The following BPTF variants were observed in gnomAD, a reference collection of about 807,000 sequenced individuals.
BPTF encodes the protein bromodomain PHD finger transcription factor.
BPTF carries 18 observed loss-of-function variants against 292.5 expected under a neutral mutation model. That is an observed-to-expected ratio of 0.06 (90% CI 0.04 to 0.09). The LOEUF is 0.09. Among genes scored for constraint, BPTF ranks in the 10% least tolerant of loss-of-function variants. The pLI is 1.00. For missense variants in BPTF, 2,726 were observed against 3,498.7 expected (o/e 0.78, Z 5.57); for synonymous variants, 1,225 against 1,251.9 (o/e 0.98, Z 0.45).
At position 67,869,642 on chromosome 17, in the gene BPTF, G is replaced by A. The variant is rs186551974; in HGVS notation, c.1660+2955G>A. Among the ~76,000 whole-genome samples, 3 of 152,034 alleles carry A rather than the reference G, an allele frequency of 2.0e-5. No individual in the cohort carries two copies. In the East Asian group the frequency reaches 5.8e-4, roughly 29 times the overall value. On this transcript the variant is annotated intron_variant, in intron 3 of 27. Coordinates refer to ENST00000306378, the MANE Select transcript of BPTF (RefSeq NM_182641.4). ...ATATTTTTTGCATTTCCTACAATGA[G>A]CATGTTATATAGTTCAGTATGATTC...
intron 26 of BPTF, among the ~76,000 whole-genome samples, chr17:67,972,045 T>C (rs923789108): frequency 1.3e-5 from 2 of 152,162 alleles, no homozygotes; most frequent in East Asian, 1.9e-4. Context: ...ATGTAAAATG[T>C]AATATTTACC....
intron 2 of BPTF, among the ~76,000 whole-genome samples, chr17:67,857,595 T>C (rs1402922428): frequency 6.6e-6 from 1 of 151,594 alleles, no homozygotes; most frequent in Admixed American, 6.6e-5. Flanking sequence ...GCCCACCAAG[T>C]AGCTGGGACT....
At chr17:67,904,911 T>C in intron 9 of BPTF, 71 bp downstream of exon 9, 3 of 1,257,946 alleles carry the variant, frequency 2.4e-6, no homozygotes, top group Non-Finnish European at 3.3e-6. Flanking sequence ...TGTAGTATTT[T>C]GACTATATTT....
Position 67,920,012 on chromosome 17 carries a change from T to C in BPTF, c.5429-3T>C, listed in dbSNP as rs1487342061. The C allele has an allele frequency of 3.1e-6, 5 of 1,609,200 alleles. No homozygotes were observed. Among genetic ancestry groups the C allele is most frequent in the Non-Finnish European group, 8.5e-7 (1 of 1,177,356 alleles). ...TTAATACTATTGAATTAAATCACCATAGAAACATCCGAAACTGAAATCACA... is the reference window on the plus strand; with the variant it reads ...TTAATACTATTGAATTAAATCACCACAGAAACATCCGAAACTGAAATCACA... On this transcript the variant is annotated splice_polypyrimidine_tract_variant and splice_region_variant and intron_variant, in intron 12 of 27. Coordinates refer to ENST00000306378, the MANE Select transcript of BPTF (RefSeq NM_182641.4).
intron 26 of BPTF, among the ~76,000 whole-genome samples, chr17:67,969,861 G>A (rs1406233568): frequency 6.6e-6 from 1 of 152,136 alleles, no homozygotes; most frequent in African/African-American, 2.4e-5. Flanking sequence ...AGGAGGCAGA[G>A]GTTGTGGTAA....
chr17:67,929,628 A>G (rs2064189755), intron 17 of BPTF, 141 bp downstream of exon 17: 1 of 975,330 alleles, frequency 1.0e-6, no homozygotes, highest in East Asian at 2.7e-5. Context: ...TTGGAAAAAA[A>G]TCTGTTATAT....
intron 13 of BPTF, among the ~76,000 whole-genome samples, chr17:67,921,896 G>A (rs1246469400): frequency 6.6e-6 from 1 of 152,050 alleles, no homozygotes; most frequent in Non-Finnish European, 1.5e-5. Context: ...GCGGGACATG[G>A]TATTACACAC....
rs11376410 is a variant in BPTF, at chr17:67,979,169, C to CAAAAAAAAAAAAAAAAA, written c.8727-3078_8727-3062dup. Reference sequence around the variant, plus strand: ...TGGAAGACACAACAAGACCCTGTCTCAAAAAAAAAAAAAAAAAAAAAGGCC... The same window carrying CAAAAAAAAAAAAAAAAA: ...TGGAAGACACAACAAGACCCTGTCTCAAAAAAAAAAAAAAAAAAAAAAAAAAAAAAAAAAAAAAGGCC... On this transcript the variant is annotated intron_variant, in intron 27 of 27. Coordinates refer to ENST00000306378, the MANE Select transcript of BPTF (RefSeq NM_182641.4). Among the ~76,000 whole-genome samples the CAAAAAAAAAAAAAAAAA allele has an allele frequency of 2.6e-3, 191 of 72,546 alleles. 16 individuals carry two copies. Among genetic ancestry groups the CAAAAAAAAAAAAAAAAA allele is most frequent in the African/African-American group, 0.015 (182 of 12,482 alleles). The allele number at this position is 72,546 out of a possible 152,430, so 47.6% of individuals were successfully genotyped here.
chr17:67,906,600 C>T (rs140449569), intron 9 of BPTF, among the ~76,000 whole-genome samples: 2,391 of 152,298 alleles, frequency 0.016, 33 homozygotes, highest in Middle Eastern at 0.061. Flanking sequence ...TTCTGTGATT[C>T]TTCTCTTACC....
In BPTF at chr17:67,959,584, T is replaced by C. The variant is rs1002512055; in HGVS notation, c.7970T>C (p.Leu2657Pro). The change falls in exon 24 of 28, where the codon CTG becomes CCG. Residue 2657 changes from leucine (L) to proline (P), a missense_variant. Around this residue, in one of 22 missense-constraint regions of BPTF, gnomAD observed 148 missense variants for 145.5 expected, o/e 1.02. Coordinates refer to ENST00000306378, the MANE Select transcript of BPTF (RefSeq NM_182641.4). ...RDLKIKKEKD[L>P]MQLAQATAVA... ...CTGAAAATTAAGAAAGAAAAAGACC[T>C]GATGCAGTTGGCTCAGGCCACAGCA... The C allele has an allele frequency of 1.3e-6, 2 of 1,540,584 alleles. No homozygotes were observed. The highest frequency in any genetic ancestry group is 4.5e-5 in the Admixed American group (2 of 44,286).
chr17:67,875,679 A>T (rs369563983), intron 4 of BPTF: 10 of 1,607,396 alleles, frequency 6.2e-6, no homozygotes, highest in Non-Finnish European at 8.5e-6. Flanking sequence ...TGTCTCTCAG[A>T]AACCCCCGAT....
intron 14 of BPTF, 63 bp downstream of exon 14, chr17:67,923,053 TTAC>T: frequency 3.4e-6 from 5 of 1,486,974 alleles, no homozygotes; most frequent in South Asian, 2.7e-5. Flanking sequence ...AATCAATAAA[TTAC>T]TTTTTTTTTT....
chr17:67,883,889 G>A (rs1035275577), intron 4 of BPTF, among the ~76,000 whole-genome samples: 5 of 152,210 alleles, frequency 3.3e-5, no homozygotes, highest in South Asian at 2.1e-4. Flanking sequence ...GTGAACCACC[G>A]CGCCCGGCTC....
At position 67,966,545 on chromosome 17, in the gene BPTF, A is replaced by G. The variant is rs200077810; in HGVS notation, c.8455-27A>G. 93 of 1,592,348 alleles carry G rather than the reference A, an allele frequency of 5.8e-5. 1 individual carries two copies. The Admixed American group carries it at 1.2e-3, about 21-fold the overall frequency. The stretch of plus-strand genomic sequence containing the variant: ...AAATGGAATTAGTGTTTTCACTGAC[A>G]ATAATGATGCTGCTTTTTCATTATA... On this transcript the variant is annotated intron_variant, in intron 25 of 27. Transcript: ENST00000306378.
At chr17:67,865,975 C>T (rs776194230) in intron 2 of BPTF, among the ~76,000 whole-genome samples, 5 of 144,910 alleles carry the variant, frequency 3.5e-5, no homozygotes, top group Non-Finnish European at 5.9e-5. Flanking sequence ...ATAAAGTTAG[C>T]TGGGTATCGT....
intron 2 of BPTF, among the ~76,000 whole-genome samples, chr17:67,864,794 CT>C (rs1321668780): frequency 6.6e-6 from 1 of 151,742 alleles, no homozygotes; most frequent in Admixed American, 6.6e-5. Flanking sequence ...TTGATCATTC[CT>C]TATTTATTTA....
At chr17:67,849,243 A>G (rs1351586212) in intron 1 of BPTF, among the ~76,000 whole-genome samples, 1 of 152,142 alleles carries the variant, frequency 6.6e-6, no homozygotes, top group Admixed American at 6.5e-5. Flanking sequence ...TGCATTTGAG[A>G]TTACTTTTAA....
rs150102906 is a variant in BPTF at position 67,881,711 on chromosome 17, C to T, written c.1864+6691C>T. Among the ~76,000 whole-genome samples the T allele has an allele frequency of 4.3e-3, 650 of 151,842 alleles. 5 individuals carry two copies. The highest frequency in any genetic ancestry group is 0.015 in the African/African-American group (608 of 41,394). On this transcript the variant is annotated intron_variant, in intron 4 of 27. Coordinates refer to ENST00000306378, the MANE Select transcript of BPTF (RefSeq NM_182641.4). Reference sequence around the variant, plus strand: ...TAGAGATGGGGTTTCACATGTTGGCCAGGCTGGTCTTGAACTTCTGACCTT... The same window carrying T: ...TAGAGATGGGGTTTCACATGTTGGCTAGGCTGGTCTTGAACTTCTGACCTT...
intron 4 of BPTF, among the ~76,000 whole-genome samples, chr17:67,887,491 G>T (rs577095929): frequency 2.4e-4 from 36 of 152,104 alleles, no homozygotes; most frequent in African/African-American, 8.7e-4. Context: ...ATTGAGGAGG[G>T]TTATCCCCAT....
Sources: gnomAD v4.1 joint callset for allele counts (sites outside exome capture counted in the v4.1 genomes callset) on GRCh38, gnomAD v4.1.1 for gene constraint, gnomAD v4.1.1 regional missense constraint, MANE v1.5 for transcripts, NCBI Gene and HGNC (gene_info 2026-07-23, HGNC 2026-07-21) for gene names.